Variants in RPTOR observed in about 807,000 individuals in gnomAD.
RPTOR encodes the protein regulatory associated protein of MTOR complex 1, also known as regulatory-associated protein of mTOR.
Under a neutral mutation model 169.9 loss-of-function variants are expected in RPTOR, and 21 were observed. The ratio of observed to expected loss-of-function variants is 0.12; its 90% CI spans 0.09 to 0.18. The LOEUF (loss-of-function observed/expected upper bound fraction) is 0.18. Among genes scored for constraint, RPTOR ranks in the 10% least tolerant of loss-of-function variants. RPTOR has a pLI of 1.00. For missense variants in RPTOR, 1,133 were observed against 1,855.9 expected (o/e 0.61, Z 7.16); for synonymous variants, 732 against 753.2 (o/e 0.97, Z 0.46).
In RPTOR at chr17:80,572,406, CTT is replaced by C. The variant is rs200995266; in HGVS notation, c.162+26622_162+26623del. On this transcript the variant is annotated intron_variant, in intron 1 of 33. Coordinates refer to ENST00000306801, the MANE Select transcript of RPTOR (RefSeq NM_020761.3). ...ATATAAGATAATTATATATTTTCTT[CTT>C]TTTTTTAAAAAAATGCCTGTTCAAG... 3.2e-3 allele frequency among the ~76,000 whole-genome samples: 381 copies of C among 118,914 alleles called. 4 individuals are homozygous for C. The highest frequency in any genetic ancestry group is 0.01 in the African/African-American group (339 of 33,382). 78.0% of individuals were successfully genotyped at this position (118,914 alleles called of 152,430 possible).
chr17:80,744,942 G>A (rs1426341827), intron 5 of RPTOR, among the ~76,000 whole-genome samples: 2 of 151,222 alleles, frequency 1.3e-5, no homozygotes, highest in Admixed American at 1.3e-4. Context: ...CAGAGCCCTG[G>A]TTACTAGCAG....
intron 21 of RPTOR, among the ~76,000 whole-genome samples, chr17:80,916,323 G>A (rs1004189507): frequency 6.6e-6 from 1 of 152,208 alleles, no homozygotes; most frequent in Non-Finnish European, 1.5e-5. Flanking sequence ...GTTCCCCAGT[G>A]CCAGATGTTG....
At chr17:80,648,891 C>T (rs919075157) in intron 3 of RPTOR, among the ~76,000 whole-genome samples, 7 of 152,156 alleles carry the variant, frequency 4.6e-5, no homozygotes, top group East Asian at 1.9e-4. Context: ...ACAAGTCTCA[C>T]GTCCCTGCAC....
chr17:80,730,840 T>C lies in RPTOR; in HGVS notation c.654+134T>C. The C allele has an allele frequency of 2.2e-6, 2 of 899,910 alleles. No individual in the cohort carries two copies. The highest frequency in any genetic ancestry group is 3.4e-6 in the Non-Finnish European group (2 of 582,188). 55.7% of individuals were successfully genotyped at this position (899,910 alleles called of 1,614,324 possible). A position where few individuals can be genotyped will look rare whatever the true frequency, so the allele number is the denominator to read the frequency against. Reference sequence around the variant, plus strand: ...AGGGCTCAGAATGCCAAGGGCAGGATGGCATATTCAATGCTGTTGAGCTAG... The same window carrying C: ...AGGGCTCAGAATGCCAAGGGCAGGACGGCATATTCAATGCTGTTGAGCTAG... On this transcript the variant is annotated intron_variant, in intron 5 of 33. Coordinates refer to ENST00000306801, the MANE Select transcript of RPTOR (RefSeq NM_020761.3). This position sits in a 1 kb window ranked among gnomAD's most constrained non-coding sequence, Gnocchi z 4.2.
intron 6 of RPTOR, among the ~76,000 whole-genome samples, chr17:80,769,026 C>T (rs566566169): frequency 7.9e-4 from 121 of 152,300 alleles, no homozygotes; most frequent in Non-Finnish European, 1.3e-3. Flanking sequence ...GAGATCGAAT[C>T]GATAATGCCT....
At chr17:80,747,473 G>T (rs1198064013) in intron 5 of RPTOR, among the ~76,000 whole-genome samples, 1 of 152,198 alleles carries the variant, frequency 6.6e-6, no homozygotes, top group East Asian at 1.9e-4. Context: ...TCTTAAATAG[G>T]TGGGGTTTCT....
At chr17:80,930,390 G>C (rs1355322461) in intron 24 of RPTOR, among the ~76,000 whole-genome samples, 46 of 4,200 alleles carry the variant, frequency 0.011, no homozygotes, top group Admixed American at 0.015. Flanking sequence ...GCTCAGCTCA[G>C]CTCATTCTCA....
chr17:80,711,744 CTTT>C (rs1226456124), intron 4 of RPTOR, among the ~76,000 whole-genome samples: 3 of 88,844 alleles, frequency 3.4e-5, no homozygotes, highest in African/African-American at 1.3e-4. Context: ...ATACATCAGT[CTTT>C]TTTTTTTTTT....
chr17:80,951,244 G>A (rs1393115216), intron 28 of RPTOR, among the ~76,000 whole-genome samples: 5 of 151,308 alleles, frequency 3.3e-5, no homozygotes, highest in East Asian at 3.9e-4. Context: ...CATCCACACC[G>A]GGCCACGCTG....
chr17:80,874,795 C>T (rs1208875420), intron 13 of RPTOR, among the ~76,000 whole-genome samples: 4 of 152,190 alleles, frequency 2.6e-5, no homozygotes, highest in African/African-American at 9.7e-5. Flanking sequence ...TCCCCGGTAG[C>T]ATCCTCACGT....
chr17:80,806,886 T>C (rs62069406), intron 7 of RPTOR, among the ~76,000 whole-genome samples: 6,522 of 152,226 alleles, frequency 0.043, 174 homozygotes, highest in East Asian at 0.11. Context: ...TTTTGACAAG[T>C]TTTTACATTT....
chr17:80,662,943 G>A (rs969212541), intron 3 of RPTOR, among the ~76,000 whole-genome samples: 2 of 152,198 alleles, frequency 1.3e-5, no homozygotes, highest in African/African-American at 4.8e-5. Flanking sequence ...TCCGGGAATG[G>A]GTGAGGGCAG....
chr17:80,745,888 G>A (rs1387655056), intron 5 of RPTOR, among the ~76,000 whole-genome samples: 5 of 152,216 alleles, frequency 3.3e-5, no homozygotes, highest in South Asian at 2.1e-4. Context: ...GAGGCCGGGC[G>A]CGGTGGCTCA....
intron 6 of RPTOR, among the ~76,000 whole-genome samples, chr17:80,790,377 A>C (rs1158435551): frequency 6.6e-6 from 1 of 152,198 alleles, no homozygotes; most frequent in African/African-American, 2.4e-5. Flanking sequence ...GCAGCCATGC[A>C]TGGGGTCCAG....
chr17:80,937,944 A>G lies in RPTOR; in HGVS notation c.2920-2552A>G, dbSNP rs151093575. On this transcript the variant is annotated intron_variant, in intron 24 of 33. Transcript: ENST00000306801. ...GTCATAGCTGGTTGTCCTGACACAG[A>G]CACTTGGGGTGGTTCCGGAACCGCG... 8.4e-3 allele frequency among the ~76,000 whole-genome samples: 1,281 copies of G among 152,284 alleles called. 17 individuals are homozygous for G. Among genetic ancestry groups the G allele is most frequent in the African/African-American group, 0.025 (1,053 of 41,556 alleles).
intron 11 of RPTOR, among the ~76,000 whole-genome samples, chr17:80,854,431 C>A (rs1406195381): frequency 6.6e-6 from 1 of 152,250 alleles, no homozygotes; most frequent in East Asian, 1.9e-4. Flanking sequence ...CTGGTGCCCA[C>A]GTGCGTGCCG....
chr17:80,612,214 C>G (rs1340322657), intron 1 of RPTOR, among the ~76,000 whole-genome samples: 1 of 152,228 alleles, frequency 6.6e-6, no homozygotes, highest in East Asian at 1.9e-4. Context: ...ACTGTAACCT[C>G]TAACTCTTGG....
At chr17:80,575,911 G>A (rs1191656251) in intron 1 of RPTOR, among the ~76,000 whole-genome samples, 1 of 152,108 alleles carries the variant, frequency 6.6e-6, no homozygotes, top group Non-Finnish European at 1.5e-5. Flanking sequence ...AGGCCATATT[G>A]TTGTAAAACT....
In RPTOR at chr17:80,665,438, C is replaced by T. The variant is rs1567846371; in HGVS notation, c.348+21628C>T. 5.5e-4 allele frequency among the ~76,000 whole-genome samples: 10 copies of T among 18,162 alleles called. 1 individual carries two copies. 11.9% of individuals were successfully genotyped at this position (18,162 alleles called of 152,430 possible). A position where few individuals can be genotyped will look rare whatever the true frequency, so the allele number is the denominator to read the frequency against. On this transcript the variant is annotated intron_variant, in intron 3 of 33. Coordinates refer to ENST00000306801, the MANE Select transcript of RPTOR (RefSeq NM_020761.3). Reference sequence around the variant, plus strand: ...CTTTCCTTTCCTTTCCTTTCCTTTCCTTTCCTTTCCTTTCCTTTCCTTTCC... The same window carrying T: ...CTTTCCTTTCCTTTCCTTTCCTTTCTTTTCCTTTCCTTTCCTTTCCTTTCC...
Sources: gnomAD v4.1 joint callset for allele counts (sites outside exome capture counted in the v4.1 genomes callset) on GRCh38, gnomAD v4.1.1 for gene constraint, Gnocchi (gnomAD v3.1) non-coding constraint, MANE v1.5 for transcripts, NCBI Gene and HGNC (gene_info 2026-07-23, HGNC 2026-07-21) for gene names.